The following CTNNA2 variants were observed in gnomAD, a reference collection of about 807,000 sequenced individuals.
CTNNA2 encodes the protein catenin alpha-2.
A neutral mutation model predicts 101.0 loss-of-function variants in CTNNA2; 42 were observed. The observed-to-expected ratio is 0.42, with a 90% CI of 0.32 to 0.54. The LOEUF (loss-of-function observed/expected upper bound fraction) is 0.54, where lower values mean the gene tolerates loss of function less well. Ranked by LOEUF, CTNNA2 falls within the 20% of genes least tolerant of loss-of-function variation. CTNNA2 has a pLI of 0.14. For missense variants in CTNNA2, 871 were observed against 1,223.1 expected (o/e 0.71, Z 4.29); for synonymous variants, 450 against 456.4 (o/e 0.99, Z 0.18).
intron 7 of CTNNA2, among the ~76,000 whole-genome samples, chr2:80,143,753 G>C (rs1209775102): frequency 6.6e-6 from 1 of 152,170 alleles, no homozygotes; most frequent in East Asian, 1.9e-4. Flanking sequence ...CTGAAGGAGG[G>C]CAGGGGAGGG....
intron 7 of CTNNA2, among the ~76,000 whole-genome samples, chr2:80,194,277 G>C (rs558654565): frequency 3.3e-5 from 5 of 152,158 alleles, no homozygotes; most frequent in African/African-American, 1.2e-4. Flanking sequence ...TGCACATGCT[G>C]ATGCTTCAGA....
chr2:79,996,741 G>A (rs775268641), intron 7 of CTNNA2, among the ~76,000 whole-genome samples: 5 of 152,158 alleles, frequency 3.3e-5, no homozygotes, highest in East Asian at 1.9e-4. Context: ...GCACTACAAT[G>A]CAGTGTGGAT....
chr2:80,252,497 G>A (rs1671843411), intron 7 of CTNNA2, among the ~76,000 whole-genome samples: 1 of 152,124 alleles, frequency 6.6e-6, no homozygotes, highest in Non-Finnish European at 1.5e-5. Flanking sequence ...TATAGATGCA[G>A]TAAATTTGAT....
At chr2:79,486,722 C>T (rs1232306498) in intron 4 of CTNNA2, among the ~76,000 whole-genome samples, 1 of 152,298 alleles carries the variant, frequency 6.6e-6, no homozygotes, top group African/African-American at 2.4e-5. Context: ...TTCTCCACAT[C>T]CTCTCCAGCA....
At chr2:79,526,236 A>G (rs919614276) in intron 1 of CTNNA2, among the ~76,000 whole-genome samples, 1 of 152,042 alleles carries the variant, frequency 6.6e-6, no homozygotes, top group Non-Finnish European at 1.5e-5. Flanking sequence ...ACTTTATTGT[A>G]ATTATAAAAC....
At chr2:79,649,141 G>C (rs1320892679) in intron 1 of CTNNA2, among the ~76,000 whole-genome samples, 6 of 151,836 alleles carry the variant, frequency 4.0e-5, no homozygotes, top group Non-Finnish European at 5.9e-5. Flanking sequence ...ACTTCTGCTT[G>C]ATGCATGCTA....
intron 2 of CTNNA2, among the ~76,000 whole-genome samples, chr2:79,711,290 T>A (rs539353825): frequency 1.2e-4 from 19 of 152,194 alleles, no homozygotes; most frequent in Non-Finnish European, 2.5e-4. Flanking sequence ...CACTGCATTT[T>A]GCTCAATGGT....
chr2:79,615,838 G>T (rs1408902568), intron 1 of CTNNA2, among the ~76,000 whole-genome samples: 1 of 152,160 alleles, frequency 6.6e-6, no homozygotes, highest in Non-Finnish European at 1.5e-5. Context: ...TTGTATGTGC[G>T]TGTTGGGGAG....
chr2:79,913,992 C>A (rs1474202331), intron 7 of CTNNA2, among the ~76,000 whole-genome samples: 2 of 151,644 alleles, frequency 1.3e-5, no homozygotes, highest in South Asian at 4.2e-4. Context: ...ACGGTGAAAC[C>A]CCGTCTCTAC....
At chr2:80,049,205 T>C (rs1696715337) in intron 7 of CTNNA2, among the ~76,000 whole-genome samples, 1 of 152,176 alleles carries the variant, frequency 6.6e-6, no homozygotes, top group Admixed American at 6.5e-5. Context: ...AGTTTATGTG[T>C]CATTCATGAG....
At chr2:79,837,461 G>A (rs1194646239) in intron 3 of CTNNA2, among the ~76,000 whole-genome samples, 2 of 152,208 alleles carry the variant, frequency 1.3e-5, no homozygotes, top group East Asian at 3.9e-4. Context: ...GACACACCTA[G>A]GATCAATACT....
intron 9 of CTNNA2, among the ~76,000 whole-genome samples, chr2:80,440,517 C>T (rs1049564768): frequency 1.3e-5 from 2 of 152,152 alleles, no homozygotes; most frequent in Non-Finnish European, 2.9e-5. Context: ...CATATTTGGG[C>T]ATAGGACTGC....
intron 7 of CTNNA2, among the ~76,000 whole-genome samples, chr2:80,238,106 C>T (rs1263339689): frequency 2.0e-5 from 3 of 152,136 alleles, no homozygotes; most frequent in African/African-American, 4.8e-5. Flanking sequence ...GACTCCCTCC[C>T]CTGGCTCCAG....
chr2:79,272,339 A>T (rs1239292475), intron 2 of CTNNA2, among the ~76,000 whole-genome samples: 1 of 152,100 alleles, frequency 6.6e-6, no homozygotes, highest in Admixed American at 6.6e-5. Context: ...AACAGATTAA[A>T]AAAAAGAGAG....
Position 80,602,484 on chromosome 2 carries a change from G to A in CTNNA2, c.2190-1590G>A, listed in dbSNP as rs551138820. The stretch of plus-strand genomic sequence containing the variant: ...AACAGAATGCAGTCTTATTGAATGG[G>A]TTAAGATGAAGTTACAACAAATATT... On this transcript the variant is annotated intron_variant, in intron 15 of 18. Coordinates refer to ENST00000402739, the MANE Select transcript of CTNNA2 (RefSeq NM_001282597.3). 2.0e-5 allele frequency among the ~76,000 whole-genome samples: 3 copies of A among 152,130 alleles called. No homozygotes were observed. The East Asian group carries it at 5.8e-4, about 29-fold the overall frequency.
chr2:80,076,452 T>C (rs1219693632), intron 7 of CTNNA2, among the ~76,000 whole-genome samples: 1 of 151,994 alleles, frequency 6.6e-6, no homozygotes, highest in Admixed American at 6.6e-5. Context: ...CTAGTTTTTC[T>C]TTCTTTATTT....
At chr2:79,818,476 C>T (rs966228493) in intron 3 of CTNNA2, among the ~76,000 whole-genome samples, 1 of 151,644 alleles carries the variant, frequency 6.6e-6, no homozygotes, top group Non-Finnish European at 1.5e-5. Context: ...CCATGCCCGG[C>T]TTATTTTTTT....
At position 79,559,230 on chromosome 2, in the gene CTNNA2, G is replaced by C. The variant is rs1674622868; in HGVS notation, c.-6+46023G>C. ...GTGGAAAGAGCTCATACTGGAATTA[G>C]ACTATCAGAGGGTGCTTTCCTGGTA... On this transcript the variant is annotated intron_variant, in intron 1 of 18. Coordinates refer to ENST00000402739, the MANE Select transcript of CTNNA2 (RefSeq NM_001282597.3). Among the ~76,000 whole-genome samples, 3 of 152,042 alleles carry C rather than the reference G, an allele frequency of 2.0e-5. No homozygotes were observed. The East Asian group carries it at 5.8e-4, about 29-fold the overall frequency.
At chr2:79,561,214 C>T (rs1674758203) in intron 1 of CTNNA2, among the ~76,000 whole-genome samples, 1 of 151,802 alleles carries the variant, frequency 6.6e-6, no homozygotes, top group African/African-American at 2.4e-5. Flanking sequence ...CCTTTAGCCT[C>T]CTATTTTTGA....
Sources: gnomAD v4.1 joint callset for allele counts (sites outside exome capture counted in the v4.1 genomes callset) on GRCh38, gnomAD v4.1.1 for gene constraint, MANE v1.5 for transcripts, NCBI Gene and HGNC (gene_info 2026-07-23, HGNC 2026-07-21) for gene names.